The following RNF167 variants were observed in gnomAD, a reference collection of about 807,000 sequenced individuals.
The protein encoded by RNF167 is E3 ubiquitin-protein ligase RNF167.
RNF167 carries 19 observed loss-of-function variants against 34.8 expected under a neutral mutation model. The ratio of observed to expected loss-of-function variants is 0.55; its 90% CI spans 0.38 to 0.80. RNF167 has a LOEUF of 0.80. Ranked by LOEUF, RNF167 falls within the 30% of genes least tolerant of loss-of-function variation. RNF167 has a pLI of 0.00. For missense variants in RNF167, 464 were observed against 447.0 expected (o/e 1.04, Z -0.34); for synonymous variants, 200 against 170.4 (o/e 1.17, Z -1.35).
In RNF167 at chr17:4,944,985, C is replaced by A; in HGVS notation, c.1022C>A (p.Ser341Tyr). ...GGGCCTTCAACAGATCCCCCACTGTCCCCTCCCTCTTCCCCTGTTATCCTG... is the reference window on the plus strand; with the variant it reads ...GGGCCTTCAACAGATCCCCCACTGTACCCTCCCTCTTCCCCTGTTATCCTG... ...FPGPSTDPPLSPPSSPVILV is the reference protein window; with the variant it reads ...FPGPSTDPPLYPPSSPVILV Residue 341 changes from serine to tyrosine, a missense_variant, in exon 10 of 10, where the codon TCC (serine) becomes TAC (tyrosine). By Grantham distance (144) the Ser-to-Tyr change is moderately radical (BLOSUM62 -2). Coordinates refer to ENST00000262482, the MANE Select transcript of RNF167 (RefSeq NM_015528.3). The A allele has an allele frequency of 6.3e-7, 1 of 1,575,890 alleles. No homozygotes were observed. The highest frequency in any genetic ancestry group is 8.6e-7 in the Non-Finnish European group (1 of 1,160,798).
intron 3 of RNF167, among the ~76,000 whole-genome samples, chr17:4,941,594 C>T (rs772175591): frequency 3.9e-5 from 6 of 152,164 alleles, no homozygotes; most frequent in African/African-American, 9.7e-5. Context: ...TATTTCATCC[C>T]AAAGACTGCC....
At position 4,945,038 on chromosome 17, in the gene RNF167, C is replaced by T; in HGVS notation, c.*22C>T. ...CTAATAACCCCCCACACATACACCTCTGGTGACCTATTTGCACAGACCGTC... is the reference window on the plus strand; with the variant it reads ...CTAATAACCCCCCACACATACACCTTTGGTGACCTATTTGCACAGACCGTC... On this transcript the variant is annotated 3_prime_UTR_variant, in exon 10 of 10. Transcript: ENST00000262482. The T allele has an allele frequency of 6.6e-7, 1 of 1,513,304 alleles. No homozygotes were observed. The highest frequency in any genetic ancestry group is 2.2e-5 in the Admixed American group (1 of 44,542). The allele number at this position is 1,513,304 out of a possible 1,614,324, so 93.7% of individuals were successfully genotyped here.
rs1461238854 is a variant in RNF167 at position 4,940,779 on chromosome 17, G to C, written c.-131G>C. 1 of 741,824 alleles carries C rather than the reference G, an allele frequency of 1.3e-6. No homozygotes were observed. The highest frequency in any genetic ancestry group is 2.1e-6 in the Non-Finnish European group (1 of 476,272). 46.0% of individuals were successfully genotyped at this position (741,824 alleles called of 1,614,324 possible). On this transcript the variant is annotated 5_prime_UTR_variant, in exon 2 of 10. An upstream open reading frame in the 5' UTR loses its in-frame stop. Transcript: ENST00000262482. ...GTTCCTTCCCCGGCGCCCCCATGTA[G>C]CTGGGAAGTGGGACCTGGGGGTGGT... is the stretch of plus-strand genomic sequence containing the variant.
chr17:4,944,821 A>G lies in RNF167; in HGVS notation c.858A>G (p.Glu286=), dbSNP rs753618892. 6.2e-7 allele frequency: 1 copy of G among 1,612,758 alleles called. No homozygotes were observed. The highest frequency in any genetic ancestry group is 8.5e-7 in the Non-Finnish European group (1 of 1,179,364). ...HRGPGDEDQE[E]ETQGQEEGDE... ...GTCCTGGGGACGAAGACCAAGAGGAAGAAACTCAAGGGCAAGAGGAGGGTG... is the reference window on the plus strand; with the variant it reads ...GTCCTGGGGACGAAGACCAAGAGGAGGAAACTCAAGGGCAAGAGGAGGGTG... Residue 286 remains glutamate (E), a synonymous_variant, in exon 10 of 10, where the codon GAA becomes GAG. Transcript: ENST00000262482.
At chr17:4,943,720 T>C (rs1488441694) in intron 8 of RNF167, among the ~76,000 whole-genome samples, 1 of 152,022 alleles carries the variant, frequency 6.6e-6, no homozygotes, top group Non-Finnish European at 1.5e-5. Context: ...CCAGCCTGGG[T>C]GACATGATAA....
chr17:4,943,049 C>T, intron 6 of RNF167, 108 bp downstream of exon 6: 1 of 1,309,104 alleles, frequency 7.6e-7, no homozygotes, highest in Non-Finnish European at 1.1e-6. Flanking sequence ...GTCCTTCCTT[C>T]CCTGCCTCTT....
Position 4,945,104 on chromosome 17 carries a change from C to T in RNF167, c.*88C>T. The T allele has an allele frequency of 1.6e-6, 2 of 1,246,650 alleles. No individual in the cohort carries two copies. The highest frequency in any genetic ancestry group is 2.2e-6 in the Non-Finnish European group (2 of 909,914). The allele number at this position is 1,246,650 out of a possible 1,614,324, so 77.2% of individuals were successfully genotyped here. On this transcript the variant is annotated 3_prime_UTR_variant, in exon 10 of 10. Coordinates refer to ENST00000262482, the MANE Select transcript of RNF167 (RefSeq NM_015528.3). Reference sequence around the variant, plus strand: ...TTCTGAGGGATAGGGGACATTCCATCCCAAGCTTCTCCCTTACCCACACCT... The same window carrying T: ...TTCTGAGGGATAGGGGACATTCCATTCCAAGCTTCTCCCTTACCCACACCT...
chr17:4,944,072 A>G (rs1027696711), intron 8 of RNF167, among the ~76,000 whole-genome samples: 2 of 152,244 alleles, frequency 1.3e-5, no homozygotes, highest in Admixed American at 1.3e-4. Context: ...TTTTATGCAT[A>G]AATACAACGA....
At chr17:4,943,341 T>TCTGG in intron 7 of RNF167, 57 bp downstream of exon 7, 4 of 1,594,160 alleles carry the variant, frequency 2.5e-6, no homozygotes, top group Non-Finnish European at 3.4e-6. Flanking sequence ...CCAGACTGGA[T>TCTGG]CTGGAGTTGG....
rs1458582983 is a variant in RNF167, at chr17:4,943,174, C to T, written c.471-5C>T. ...CCCTGCTGAGACTGGTCATCCTTTT[C>T]CCAGGGCTCGGGTGCTTCTGGTTCC... On this transcript the variant is annotated splice_polypyrimidine_tract_variant and splice_region_variant and intron_variant, in intron 6 of 9. Transcript: ENST00000262482. The T allele has an allele frequency of 1.2e-6, 2 of 1,613,158 alleles. No individual in the cohort carries two copies. The highest frequency in any genetic ancestry group is 1.7e-6 in the Non-Finnish European group (2 of 1,179,280).
Position 4,941,147 on chromosome 17 carries a change from AG to A in RNF167, c.158del (p.Gly53AlafsTer47), listed in dbSNP as rs1338890738. On this transcript the variant is annotated frameshift_variant, in exon 3 of 10. Coordinates refer to ENST00000262482, the MANE Select transcript of RNF167 (RefSeq NM_015528.3). LOFTEE classifies it high-confidence loss of function. ...PALFGATLSQ[E>X]GLQGFLVEAH... ...CTGTTTGGGGCTACCTTGAGCCAGG[AG>A]GGCCTCCAGGTGATTTTCTTTCTTT... The A allele has an allele frequency of 6.2e-7, 1 of 1,613,586 alleles. No homozygotes were observed. The highest frequency in any genetic ancestry group is 8.5e-7 in the Non-Finnish European group (1 of 1,179,606).
At chr17:4,941,214 TTTC>T in intron 3 of RNF167, 57 bp downstream of exon 3, 3 of 1,518,228 alleles carry the variant, frequency 2.0e-6, no homozygotes, top group Non-Finnish European at 2.7e-6. Flanking sequence ...TTCTGTCTTT[TTTC>T]TTTTTTTAGT....
In RNF167 at chr17:4,941,559, C is replaced by A. The variant is rs117923929; in HGVS notation, c.165+402C>A. Among the ~76,000 whole-genome samples, 851 of 152,278 alleles carry A rather than the reference C, an allele frequency of 5.6e-3. 5 individuals carry two copies. Among genetic ancestry groups the A allele is most frequent in the Middle Eastern group, 0.037 (11 of 294 alleles). On this transcript the variant is annotated intron_variant, in intron 3 of 9. Transcript: ENST00000262482. ...GTTTTCCTAGGGTTATTGTGAAGAT[C>A]AAAGTAGATACGCAATTTTGGTAGT...
At chr17:4,941,303 G>C in intron 3 of RNF167, 146 bp downstream of exon 3, 2 of 703,792 alleles carry the variant, frequency 2.8e-6, no homozygotes, top group Middle Eastern at 3.8e-4. Context: ...GGAAAATGAA[G>C]TTAGGAACTG....
At chr17:4,942,084 A>G (rs543838959) in intron 3 of RNF167, among the ~76,000 whole-genome samples, 4 of 152,300 alleles carry the variant, frequency 2.6e-5, no homozygotes, top group African/African-American at 9.6e-5. Flanking sequence ...ATTAGCTTGC[A>G]GTATAGGGTA....
At chr17:4,944,070 A>G (rs201601602) in intron 8 of RNF167, among the ~76,000 whole-genome samples, 201 of 152,372 alleles carry the variant, frequency 1.3e-3, no homozygotes, top group Non-Finnish European at 2.4e-3. Flanking sequence ...GTTTTTATGC[A>G]TAAATACAAC....
chr17:4,940,780 C>G lies in RNF167; in HGVS notation c.-130C>G. The stretch of plus-strand genomic sequence containing the variant: ...TTCCTTCCCCGGCGCCCCCATGTAG[C>G]TGGGAAGTGGGACCTGGGGGTGGTT... On this transcript the variant is annotated 5_prime_UTR_variant, in exon 2 of 10. Coordinates refer to ENST00000262482, the MANE Select transcript of RNF167 (RefSeq NM_015528.3). 7 of 756,718 alleles carry G rather than the reference C, an allele frequency of 9.3e-6. No homozygotes were observed. Among genetic ancestry groups the G allele is most frequent in the Non-Finnish European group, 1.4e-5 (7 of 489,440 alleles). 46.9% of individuals were successfully genotyped at this position (756,718 alleles called of 1,614,324 possible). A position where few individuals can be genotyped will look rare whatever the true frequency, so the allele number is the denominator to read the frequency against.
At position 4,943,508 on chromosome 17, in the gene RNF167, A is replaced by C; in HGVS notation, c.659A>C (p.Asp220Ala). The C allele has an allele frequency of 6.2e-7, 1 of 1,613,148 alleles. No homozygotes were observed. The highest frequency in any genetic ancestry group is 1.1e-5 in the South Asian group (1 of 90,936). ...CAACTGAAACAGATTCCTACACATGACTATCAGAAGGGTGAGGGGGTTAGG... is the reference window on the plus strand; with the variant it reads ...CAACTGAAACAGATTCCTACACATGCCTATCAGAAGGGTGAGGGGGTTAGG... ...KEQLKQIPTH[D>A]YQKGDQYDVC... The change falls in exon 8 of 10, where the codon GAC becomes GCC. Residue 220 changes from aspartate to alanine, a missense_variant. Coordinates refer to ENST00000262482, the MANE Select transcript of RNF167 (RefSeq NM_015528.3).
At chr17:4,944,236 GGGGCT>G in intron 8 of RNF167, 1 of 243,956 alleles carries the variant, frequency 4.1e-6, no homozygotes, top group Non-Finnish European at 7.4e-6. Context: ...CCGGTACCAA[GGGGCT>G]GGGGCTTTAG....
Sources: gnomAD v4.1 joint callset for allele counts (sites outside exome capture counted in the v4.1 genomes callset) on GRCh38, gnomAD v4.1.1 for gene constraint, MANE v1.5 for transcripts, NCBI Gene and HGNC (gene_info 2026-07-23, HGNC 2026-07-21) for gene names.